COL23A1: variants seen among roughly 807,000 people sequenced by gnomAD.
COL23A1 encodes collagen alpha-1(XXIII) chain.
Under a neutral mutation model 99.3 loss-of-function variants are expected in COL23A1, and 97 were observed. The observed-to-expected ratio is 0.98, with a 90% CI of 0.83 to 1.16. The LOEUF (loss-of-function observed/expected upper bound fraction) is 1.16. COL23A1 is among the 50% of genes most tolerant of loss of function. The pLI, the probability that COL23A1 is intolerant of heterozygous loss-of-function variation, is 0.00. For missense variants in COL23A1, 762 were observed against 757.4 expected, an observed-to-expected ratio of 1.01 and a Z score of -0.07; for synonymous variants, 320 against 308.2, an observed-to-expected ratio of 1.04 and a Z score of -0.40.
At chr5:178,538,344 C>A (rs990007590) in intron 2 of COL23A1, among the ~76,000 whole-genome samples, 1 of 152,142 alleles carries the variant, frequency 6.6e-6, no homozygotes, top group African/African-American at 2.4e-5. Context: ...CAGGGACCCA[C>A]GCTTTTATAA....
At chr5:178,486,711 C>A (rs1237262740) in intron 2 of COL23A1, among the ~76,000 whole-genome samples, 1 of 152,124 alleles carries the variant, frequency 6.6e-6, no homozygotes, top group Non-Finnish European at 1.5e-5. Flanking sequence ...AAACCCAAAG[C>A]GTACTTCAGA....
At chr5:178,562,131 G>C in intron 1 of COL23A1, 1 of 516,640 alleles carries the variant, frequency 1.9e-6, no homozygotes, top group Non-Finnish European at 3.8e-6. Flanking sequence ...AATCCCAGCT[G>C]CTTGGGAGAC....
At chr5:178,406,120 A>C (rs1764751426) in intron 2 of COL23A1, among the ~76,000 whole-genome samples, 1 of 152,186 alleles carries the variant, frequency 6.6e-6, no homozygotes, top group African/African-American at 2.4e-5. Flanking sequence ...ACAAACCAAC[A>C]AACAAAAACT....
At chr5:178,300,228 C>T (rs926790015) in intron 3 of COL23A1, among the ~76,000 whole-genome samples, 3 of 151,754 alleles carry the variant, frequency 2.0e-5, no homozygotes, top group Non-Finnish European at 4.4e-5. Flanking sequence ...TGCCACCATG[C>T]CCGGCTAATT....
intron 19 of COL23A1, 23 bp from the exon 20 acceptor site, chr5:178,248,277 G>A (rs1460343942): frequency 6.2e-7 from 1 of 1,600,748 alleles, no homozygotes; most frequent in Admixed American, 1.7e-5. Flanking sequence ...AATGGCCTGT[G>A]AGTCCTTTGT....
chr5:178,249,985 GCACACACACACACA>G, intron 18 of COL23A1, 62 bp downstream of exon 18: 1 of 1,307,086 alleles, frequency 7.7e-7, no homozygotes, highest in Non-Finnish European at 1.1e-6. Context: ...ACATGCACAC[GCACACACACACACA>G]CACACACACA....
At chr5:178,545,778 C>G (rs1325148971) in intron 2 of COL23A1, among the ~76,000 whole-genome samples, 6 of 152,128 alleles carry the variant, frequency 3.9e-5, no homozygotes, top group Non-Finnish European at 7.4e-5. Context: ...TCCTATCACC[C>G]CCACATCCCA....
rs1581696523 is a variant in COL23A1, at chr5:178,590,207, G to A, written c.-10C>T. 2.5e-6 allele frequency: 3 copies of A among 1,213,026 alleles called. No homozygotes were observed. The highest frequency in any genetic ancestry group is 3.1e-6 in the Non-Finnish European group (3 of 977,546). The allele number at this position is 1,213,026 out of a possible 1,614,324, so 75.1% of individuals were successfully genotyped here. ...GCTCGCCTGGGCCCATGGCGCGTTC[G>A]TCGCGCGTGGACTCTCCGAGGGGGC... On this transcript the variant is annotated 5_prime_UTR_variant, in exon 1 of 29. The change creates a new upstream start codon in the 5' untranslated region. Transcript: ENST00000390654. This position sits in a 1 kb window ranked among gnomAD's most constrained non-coding sequence, Gnocchi z 5.7.
chr5:178,265,575 G>T (rs898744967), intron 8 of COL23A1: 2 of 658,512 alleles, frequency 3.0e-6, no homozygotes, highest in African/African-American at 3.9e-5. Flanking sequence ...GGATGGCTGA[G>T]GTCTAACCCT....
At chr5:178,408,538 T>C (rs1443611411) in intron 2 of COL23A1, among the ~76,000 whole-genome samples, 1 of 152,018 alleles carries the variant, frequency 6.6e-6, no homozygotes, top group Non-Finnish European at 1.5e-5. Context: ...ATGTAACAAA[T>C]GGGGGAGTGT....
intron 2 of COL23A1, among the ~76,000 whole-genome samples, chr5:178,427,469 AGAT>A (rs1166850418): frequency 1.1e-4 from 17 of 152,272 alleles, no homozygotes; most frequent in African/African-American, 3.4e-4. Flanking sequence ...GCCTGAACAC[AGAT>A]GATTATAGCA....
chr5:178,382,913 C>T (rs1192745405), intron 2 of COL23A1, among the ~76,000 whole-genome samples: 2 of 152,120 alleles, frequency 1.3e-5, no homozygotes, highest in Admixed American at 1.3e-4. Flanking sequence ...AACCAGGTGG[C>T]AACCAGGGGG....
intron 2 of COL23A1, among the ~76,000 whole-genome samples, chr5:178,322,341 G>T (rs1759373587): frequency 6.6e-6 from 1 of 152,176 alleles, no homozygotes; most frequent in African/African-American, 2.4e-5. Flanking sequence ...CGCCATGTTG[G>T]TCAGGCTGGT....
chr5:178,543,625 T>G (rs1214085267), intron 2 of COL23A1, among the ~76,000 whole-genome samples: 2 of 152,120 alleles, frequency 1.3e-5, no homozygotes, highest in East Asian at 3.9e-4. Context: ...ACCTTTGGTG[T>G]TGTGGGTGGC....
At chr5:178,249,969 G>T in intron 18 of COL23A1, 92 bp downstream of exon 18, 1 of 1,457,982 alleles carries the variant, frequency 6.9e-7, no homozygotes, top group Non-Finnish European at 9.5e-7. Context: ...CTCTAACTCT[G>T]TGCACACATG....
intron 2 of COL23A1, among the ~76,000 whole-genome samples, chr5:178,540,883 C>T (rs577678394): frequency 4.1e-4 from 62 of 152,296 alleles, no homozygotes; most frequent in African/African-American, 1.3e-3. Flanking sequence ...GCCATGTTCA[C>T]GTCTCTGAAC....
chr5:178,333,310 C>T (rs1760140091), intron 2 of COL23A1, among the ~76,000 whole-genome samples: 1 of 152,198 alleles, frequency 6.6e-6, no homozygotes, highest in African/African-American at 2.4e-5. Flanking sequence ...AAGGTCAGCA[C>T]CTTCCAAGTC....
intron 2 of COL23A1, among the ~76,000 whole-genome samples, chr5:178,369,631 G>A (rs979933071): frequency 2.0e-5 from 3 of 152,106 alleles, no homozygotes; most frequent in Non-Finnish European, 4.4e-5. Flanking sequence ...TAAGTCTCCT[G>A]AGATCTGATG....
rs1172934729 is a variant in COL23A1 at position 178,308,286 on chromosome 5, G to A, written c.362-1367C>T. The stretch of plus-strand genomic sequence containing the variant: ...CGTCAAAAGATTTGCAGGCCCAGGG[G>A]TGAGGCGAGAATGAATTTCTTGCCA... On this transcript the variant is annotated intron_variant, in intron 2 of 28. Transcript: ENST00000390654. This position sits in a 1 kb window ranked among gnomAD's most constrained non-coding sequence, Gnocchi z 5.1. 1.3e-5 allele frequency among the ~76,000 whole-genome samples: 2 copies of A among 152,194 alleles called. No homozygotes were observed. The highest frequency in any genetic ancestry group is 4.8e-5 in the African/African-American group (2 of 41,440).
Sources: gnomAD v4.1 joint callset for allele counts (sites outside exome capture counted in the v4.1 genomes callset) on GRCh38, gnomAD v4.1.1 for gene constraint, Gnocchi (gnomAD v3.1) non-coding constraint, MANE v1.5 for transcripts, NCBI Gene and HGNC (gene_info 2026-07-23, HGNC 2026-07-21) for gene names.